FAM53A: variants seen among roughly 807,000 people sequenced by gnomAD.
The protein encoded by FAM53A is protein FAM53A.
Under a neutral mutation model 26.6 loss-of-function variants are expected in FAM53A, and 28 were observed. That is an observed-to-expected ratio of 1.05 (90% CI 0.78 to 1.45). FAM53A has a LOEUF of 1.45. FAM53A is among the 40% of genes most tolerant of loss of function. The pLI, the probability that FAM53A is intolerant of heterozygous loss-of-function variation, is 0.00. For synonymous variants in FAM53A, 290 were observed against 253.1 expected, an observed-to-expected ratio of 1.15 and a Z score of -1.38; for missense variants, 650 against 575.8, an observed-to-expected ratio of 1.13 and a Z score of -1.32.
the FAM53A span, among the ~76,000 whole-genome samples, chr4:1,598,404 G>A: frequency 1.3e-5 from 2 of 152,222 alleles, no homozygotes; most frequent in African/African-American, 4.8e-5. Flanking sequence ...TCTGGTTGAG[G>A]GGCTGCCTGG....
At chr4:1,617,307 T>C (rs4379117), downstream of FAM53A, among the ~76,000 whole-genome samples, 47,826 of 151,886 alleles carry the variant, frequency 0.31, 7,877 homozygotes, top group Admixed American at 0.41. Context: ...GAGCTATTTA[T>C]GGTGTTTCTG....
At chr4:1,604,713 A>G in the FAM53A span, among the ~76,000 whole-genome samples, 3 of 151,786 alleles carry the variant, frequency 2.0e-5, no homozygotes, top group East Asian at 5.8e-4. Context: ...CGGGACTAAC[A>G]TTGCTCCCAC....
chr4:1,593,347 G>A, the FAM53A span, among the ~76,000 whole-genome samples: 5 of 151,998 alleles, frequency 3.3e-5, no homozygotes, highest in African/African-American at 7.2e-5. Flanking sequence ...ACCGCGGCCC[G>A]GAGCCACGCC....
At chr4:1,582,987 G>A in the FAM53A span, among the ~76,000 whole-genome samples, 2 of 152,236 alleles carry the variant, frequency 1.3e-5, no homozygotes, top group Non-Finnish European at 2.9e-5. Flanking sequence ...ACTCTTTCTT[G>A]GTCATGAGAA....
In FAM53A at chr4:1,650,161, T is replaced by C. The variant is rs548158982; in HGVS notation, c.882+4817A>G. Among the ~76,000 whole-genome samples the C allele has an allele frequency of 1.7e-3, 198 of 117,430 alleles. 1 individual carries two copies. The highest frequency in any genetic ancestry group is 6.3e-3 in the African/African-American group (185 of 29,570). 77.0% of individuals were successfully genotyped at this position (117,430 alleles called of 152,430 possible). A position where few individuals can be genotyped will look rare whatever the true frequency, so the allele number is the denominator to read the frequency against. On this transcript the variant is annotated intron_variant, in intron 4 of 4. Transcript: ENST00000308132. ...CTGTGAGGTGGCACAGGCGTGGTGTTTGTGAGGTGGCACAGGCGTGGCGTT... is the reference window on the plus strand; with the variant it reads ...CTGTGAGGTGGCACAGGCGTGGTGTCTGTGAGGTGGCACAGGCGTGGCGTT...
rs1421738377 is a variant in FAM53A at position 1,657,448 on chromosome 4, G to C, written c.96C>G (p.Thr32=). The C allele has an allele frequency of 6.2e-7, 1 of 1,613,898 alleles. No homozygotes were observed. Among genetic ancestry groups the C allele is most frequent in the South Asian group, 1.1e-5 (1 of 91,000 alleles). Residue 32 remains threonine, a synonymous_variant, in exon 3 of 5, where the codon ACC becomes ACG. Transcript: ENST00000308132. ...GGAACAGACGACCGCTCTTGTTCAG[G>C]GTTTCCGCAGAATACTGCAACTGAC... is the stretch of plus-strand genomic sequence containing the variant. ...EAGPLQYSAE[T]LNKSGRLFPL... is the part of the protein sequence containing the mutation.
At chr4:1,609,755 G>A in the FAM53A span, among the ~76,000 whole-genome samples, 8 of 152,106 alleles carry the variant, frequency 5.3e-5, no homozygotes, top group South Asian at 1.7e-3. Flanking sequence ...CTGAGGTCAG[G>A]AGTTCAAGAC....
chr4:1,680,786 A>T (rs922156188), intron 1 of FAM53A, among the ~76,000 whole-genome samples: 5 of 148,802 alleles, frequency 3.4e-5, no homozygotes, highest in Non-Finnish European at 5.9e-5. Flanking sequence ...GAGACTATTT[A>T]AAAAAACAAA....
chr4:1,626,833 A>G lies in FAM53A; in HGVS notation c.432-8722T>C, dbSNP rs1173319143. Among the ~76,000 whole-genome samples the G allele has an allele frequency of 2.0e-5, 3 of 151,802 alleles. No homozygotes were observed. The East Asian group carries it at 5.8e-4, about 29-fold the overall frequency. ...AGCCCTGAGTCTCCATCACAAACCCACCCACTGTTCATCCAACTGATTGAG... is the reference window on the plus strand; with the variant it reads ...AGCCCTGAGTCTCCATCACAAACCCGCCCACTGTTCATCCAACTGATTGAG... On this transcript the variant is annotated intron_variant, in intron 1 of 1. Transcript: ENST00000489029.
chr4:1,646,470 A>G (rs922076028), intron 4 of FAM53A, among the ~76,000 whole-genome samples: 16 of 152,148 alleles, frequency 1.1e-4, no homozygotes, highest in Non-Finnish European at 5.9e-5. Flanking sequence ...ACAGCAGCAA[A>G]AACAAACTAA....
At chr4:1,596,284 A>T in the FAM53A span, among the ~76,000 whole-genome samples, 1 of 152,118 alleles carries the variant, frequency 6.6e-6, no homozygotes, top group East Asian at 1.9e-4. Context: ...ACATAATTCC[A>T]TGCTGTCCGG....
At position 1,668,869 on chromosome 4, in the gene FAM53A, G is replaced by T; in HGVS notation, c.-128C>A. 1 of 792,592 alleles carries T rather than the reference G, an allele frequency of 1.3e-6. No homozygotes were observed. The highest frequency in any genetic ancestry group is 2.1e-6 in the Non-Finnish European group (1 of 478,960). 49.1% of individuals were successfully genotyped at this position (792,592 alleles called of 1,614,324 possible). On this transcript the variant is annotated 5_prime_UTR_variant, in exon 2 of 5. Transcript: ENST00000308132. Reference sequence around the variant, plus strand: ...TCATGTCTCCACTTTCTTTACAGATGAGCAGTCCACGCCCACGGGCTCTTC... The same window carrying T: ...TCATGTCTCCACTTTCTTTACAGATTAGCAGTCCACGCCCACGGGCTCTTC...
In FAM53A at chr4:1,641,479, G is replaced by A. The variant is rs200678397; in HGVS notation, c.1011C>T (p.Gly337=). 160 of 1,614,204 alleles carry A rather than the reference G, an allele frequency of 9.9e-5. No individual in the cohort carries two copies. Among genetic ancestry groups the A allele is most frequent in the Non-Finnish European group, 2.5e-6 (3 of 1,180,026 alleles). The change falls in exon 5 of 5, where the codon GGC becomes GGT. Residue 337 remains glycine, a synonymous_variant. Transcript: ENST00000308132. Reference sequence around the variant, plus strand: ...TGGTCCTGAGGCCCCTCTGGCTGCAGCCAGGCATGGTGATGCCAGGGAGGC... The same window carrying A: ...TGGTCCTGAGGCCCCTCTGGCTGCAACCAGGCATGGTGATGCCAGGGAGGC... ...SRGLPGITMP[G]CSQRGLRTSP...
intron 4 of FAM53A, among the ~76,000 whole-genome samples, chr4:1,646,316 G>C (rs1455810291): frequency 1.3e-5 from 2 of 152,066 alleles, no homozygotes; most frequent in Non-Finnish European, 2.9e-5. Flanking sequence ...AGCCAGGATG[G>C]TCTCGATCTC....
downstream of FAM53A, among the ~76,000 whole-genome samples, chr4:1,615,897 T>A (rs1426486877): frequency 1.3e-5 from 2 of 152,186 alleles, no homozygotes; most frequent in Non-Finnish European, 2.9e-5. Flanking sequence ...GGGCAGGGGC[T>A]GGGCAGGGAT....
intron 4 of FAM53A, among the ~76,000 whole-genome samples, chr4:1,645,202 A>C (rs1409809248): frequency 7.5e-6 from 1 of 132,558 alleles, no homozygotes; most frequent in Non-Finnish European, 1.7e-5. Context: ...ACAGGGAGGC[A>C]CAGGCCGGCC....
chr4:1,641,317 G>A lies in FAM53A; in HGVS notation c.1173C>T (p.Asp391=). 6.2e-7 allele frequency: 1 copy of A among 1,612,648 alleles called. No individual in the cohort carries two copies. The highest frequency in any genetic ancestry group is 8.5e-7 in the Non-Finnish European group (1 of 1,179,750). Residue 391 remains aspartate (D), a synonymous_variant, in exon 5 of 5, where the codon GAC becomes GAT. Transcript: ENST00000308132. The part of the protein sequence containing the change: ...GVFPRARWEL[D]LEQIENN ...CTCAGTTGTTCTCGATCTGCTCCAG[G>A]TCCAGCTCCCAGCGGGCCCGGGGGA...
At chr4:1,623,763 G>A (rs1022291020) in intron 1 of FAM53A, among the ~76,000 whole-genome samples, 5 of 152,266 alleles carry the variant, frequency 3.3e-5, no homozygotes, top group East Asian at 1.9e-4. Context: ...TTCCCGGGGC[G>A]TCGGACAGGG....
At chr4:1,644,173 C>T (rs897876258) in intron 4 of FAM53A, 22 of 1,534,274 alleles carry the variant, frequency 1.4e-5, no homozygotes, top group Admixed American at 7.9e-5. Context: ...ACCGGGGTGG[C>T]GGGGACGCTA....
Sources: allele counts gnomAD v4.1 joint callset (sites outside exome capture counted in the v4.1 genomes callset), GRCh38; gene constraint gnomAD v4.1.1; transcripts MANE v1.5; gene names NCBI Gene and HGNC (gene_info 2026-07-23, HGNC 2026-07-21).